The following ERC1 variants were observed in gnomAD, a reference collection of about 807,000 sequenced individuals.
ERC1 encodes the protein ELKS/RAB6-interacting/CAST family member 1.
In ERC1, 56 loss-of-function variants were observed where a neutral mutation model predicts 132.0. That is an observed-to-expected ratio of 0.42 (90% confidence interval 0.34 to 0.53). ERC1 has a LOEUF of 0.53. Among genes scored for constraint, ERC1 ranks in the 20% least tolerant of loss-of-function variants. The probability of loss-of-function intolerance (pLI) is 0.03; values close to 1 mark genes in which losing one functional copy is unlikely to be tolerated. For missense variants in ERC1, 1,202 were observed against 1,349.9 expected (o/e 0.89, Z 1.72); for synonymous variants, 478 against 476.1 (o/e 1.00, Z -0.05).
chr12:1,053,279 C>G (rs1227667339), intron 2 of ERC1, among the ~76,000 whole-genome samples: 1 of 152,180 alleles, frequency 6.6e-6, no homozygotes, highest in African/African-American at 2.4e-5. Flanking sequence ...TCAGGACTGT[C>G]AACTTGACTA....
intron 12 of ERC1, among the ~76,000 whole-genome samples, chr12:1,203,433 T>C (rs553741855): frequency 6.6e-6 from 1 of 152,354 alleles, no homozygotes; most frequent in Non-Finnish European, 1.5e-5. Context: ...TTTCTGTTTT[T>C]CATCTCTTCA....
chr12:1,056,465 C>T (rs907453549), intron 2 of ERC1, among the ~76,000 whole-genome samples: 42 of 151,854 alleles, frequency 2.8e-4, no homozygotes, highest in African/African-American at 8.5e-4. Flanking sequence ...CCTGGTTCTG[C>T]GGTGGAATGC....
intron 1 of ERC1, among the ~76,000 whole-genome samples, chr12:1,012,542 G>A (rs1250976796): frequency 1.4e-5 from 2 of 143,502 alleles, no homozygotes; most frequent in African/African-American, 5.2e-5. Flanking sequence ...GCGTGATCTT[G>A]GCTCCCTGCA....
intron 2 of ERC1, among the ~76,000 whole-genome samples, chr12:1,057,688 CG>C (rs1287815628): frequency 2.1e-5 from 3 of 140,918 alleles, no homozygotes; most frequent in Non-Finnish European, 3.1e-5. Flanking sequence ...CTCTGCTTCC[CG>C]GGTTCAAGCG....
At chr12:1,033,654 C>T (rs529529962) in intron 2 of ERC1, among the ~76,000 whole-genome samples, 13 of 150,146 alleles carry the variant, frequency 8.7e-5, no homozygotes, top group African/African-American at 3.2e-4. Flanking sequence ...TTTTTTGAGA[C>T]GGAGTCTTGC....
chr12:1,209,730 C>T (rs1464850737), intron 12 of ERC1, among the ~76,000 whole-genome samples: 1 of 152,100 alleles, frequency 6.6e-6, no homozygotes, highest in Non-Finnish European at 1.5e-5. Context: ...CGAAAAGCTC[C>T]CAGTTGGTAC....
At chr12:1,292,469 C>T (rs2079523168) in intron 15 of ERC1, among the ~76,000 whole-genome samples, 1 of 152,130 alleles carries the variant, frequency 6.6e-6, no homozygotes, top group Non-Finnish European at 1.5e-5. Context: ...ATTAGAATCT[C>T]CTGAACTGAC....
intron 15 of ERC1, among the ~76,000 whole-genome samples, chr12:1,293,940 A>G (rs944543985): frequency 1.3e-5 from 2 of 152,208 alleles, no homozygotes; most frequent in African/African-American, 4.8e-5. Flanking sequence ...CTGAGGTTGA[A>G]TGTTATGTAG....
At chr12:1,159,579 T>G (rs1272989747) in intron 8 of ERC1, among the ~76,000 whole-genome samples, 1 of 152,176 alleles carries the variant, frequency 6.6e-6, no homozygotes, top group Non-Finnish European at 1.5e-5. Flanking sequence ...AAGTCAGATC[T>G]TTTTTCTGCA....
chr12:1,359,716 G>A (rs2085896685), intron 15 of ERC1, among the ~76,000 whole-genome samples: 1 of 152,152 alleles, frequency 6.6e-6, no homozygotes, highest in Admixed American at 6.5e-5. Flanking sequence ...ATGAGTTTGG[G>A]AGGGAATAGT....
In ERC1 at chr12:1,371,847, T is replaced by C; in HGVS notation, c.2795T>C (p.Leu932Pro). Residue 932 changes from leucine (L) to proline (P), a missense_variant, in exon 16 of 19, where the codon CTG (leucine) becomes CCG (proline). Transcript: ENST00000360905. ...EVLEMKQEALLAAISEKDANI... is the reference protein window; with the variant it reads ...EVLEMKQEALPAAISEKDANI... ...TTCTTTTGCAGGCAAGAAGCTCTTC[T>C]GGCTGCCATTAGTGAAAAAGACGCC... 2 of 1,613,768 alleles carry C rather than the reference T, an allele frequency of 1.2e-6. No individual in the cohort carries two copies. Among genetic ancestry groups the C allele is most frequent in the Non-Finnish European group, 1.7e-6 (2 of 1,179,962 alleles).
At chr12:1,175,494 T>G (rs1862820385) in intron 8 of ERC1, among the ~76,000 whole-genome samples, 1 of 150,010 alleles carries the variant, frequency 6.7e-6, no homozygotes. Flanking sequence ...CAAAAAACAC[T>G]CTTATTACTC....
At chr12:1,050,023 G>A (rs561709870) in intron 2 of ERC1, among the ~76,000 whole-genome samples, 9 of 152,108 alleles carry the variant, frequency 5.9e-5, no homozygotes, top group South Asian at 2.1e-4. Context: ...GATTACAGGC[G>A]TGAGCCACTG....
intron 17 of ERC1, among the ~76,000 whole-genome samples, chr12:1,410,155 T>C (rs2091759247): frequency 6.6e-6 from 1 of 152,212 alleles, no homozygotes; most frequent in Non-Finnish European, 1.5e-5. Flanking sequence ...TATGTATGTA[T>C]ATGTATATAT....
intron 17 of ERC1, chr12:1,444,314 T>C (rs1376822278): frequency 5.6e-5 from 20 of 355,374 alleles, no homozygotes; most frequent in Non-Finnish European, 5.1e-6. Flanking sequence ...GTCCGTCTGG[T>C]GTGAATATAT....
chr12:1,346,592 A>C (rs2084474421), intron 15 of ERC1, among the ~76,000 whole-genome samples: 1 of 152,216 alleles, frequency 6.6e-6, no homozygotes, highest in Non-Finnish European at 1.5e-5. Context: ...AGACTCTATC[A>C]GTCAGGTATT....
intron 14 of ERC1, among the ~76,000 whole-genome samples, chr12:1,280,447 GC>G (rs1265899280): frequency 6.6e-6 from 1 of 152,182 alleles, no homozygotes; most frequent in Non-Finnish European, 1.5e-5. Flanking sequence ...GAATAAAGAT[GC>G]ATTAAAATTA....
At chr12:1,429,871 G>A (rs761983289) in intron 17 of ERC1, among the ~76,000 whole-genome samples, 1 of 152,114 alleles carries the variant, frequency 6.6e-6, no homozygotes, top group Non-Finnish European at 1.5e-5. Context: ...ATAGTAGTTC[G>A]GGTGTATGTC....
chr12:1,157,452 G>T (rs186522555), intron 8 of ERC1, among the ~76,000 whole-genome samples: 1 of 152,070 alleles, frequency 6.6e-6, no homozygotes, highest in Non-Finnish European at 1.5e-5. Context: ...ATATATTGCC[G>T]TAATGATTCA....
Sources: allele counts gnomAD v4.1 joint callset (sites outside exome capture counted in the v4.1 genomes callset), GRCh38; gene constraint gnomAD v4.1.1; transcripts MANE v1.5; gene names NCBI Gene and HGNC (gene_info 2026-07-23, HGNC 2026-07-21).